The following CFAP77 variants were observed in gnomAD, a reference collection of about 807,000 sequenced individuals.
The protein encoded by CFAP77 is cilia- and flagella-associated protein 77.
CFAP77 carries 25 observed loss-of-function variants against 31.1 expected under a neutral mutation model. The ratio of observed to expected loss-of-function variants is 0.80; its 90% CI spans 0.59 to 1.12. The LOEUF (loss-of-function observed/expected upper bound fraction) is 1.12. Ranked by LOEUF, CFAP77 falls within the 50% of genes most tolerant of loss-of-function variation. CFAP77 has a pLI of 0.00. For missense variants in CFAP77, 377 were observed against 397.3 expected, an observed-to-expected ratio of 0.95 and a Z score of 0.44; for synonymous variants, 151 against 159.9, an observed-to-expected ratio of 0.94 and a Z score of 0.42.
chr9:132,524,643 TA>T (rs1292781019), intron 3 of CFAP77, among the ~76,000 whole-genome samples: 3 of 150,550 alleles, frequency 2.0e-5, no homozygotes, highest in Non-Finnish European at 3.0e-5. Flanking sequence ...ACACGTGCCA[TA>T]TTTATTTATT....
rs1851803055 is a variant in CFAP77 at position 132,499,468 on chromosome 9, G to T, written c.392G>T (p.Gly131Val). ...ATGAACCGCGGGGCGGTGAAAGCCGGCCTGGTGACTGCCCGGGAGAACTTG... is the reference window on the plus strand; with the variant it reads ...ATGAACCGCGGGGCGGTGAAAGCCGTCCTGGTGACTGCCCGGGAGAACTTG... ...IAMNRGAVKA[G>V]LVTARENLLY... The change falls in exon 3 of 6, where the codon GGC becomes GTC. Residue 131 changes from glycine to valine, a missense_variant. By Grantham distance (109) the Gly-to-Val change is moderately radical (BLOSUM62 -3). Coordinates refer to ENST00000393216, the MANE Select transcript of CFAP77 (RefSeq NM_001282957.2). The surrounding 1 kb of genome is among the most constrained non-coding windows in gnomAD (Gnocchi z 5.4). 6.2e-7 allele frequency: 1 copy of T among 1,614,198 alleles called. No homozygotes were observed. The highest frequency in any genetic ancestry group is 2.2e-5 in the East Asian group (1 of 44,870).
intron 3 of CFAP77, among the ~76,000 whole-genome samples, chr9:132,509,346 C>T (rs1481953309): frequency 6.6e-6 from 1 of 152,172 alleles, no homozygotes; most frequent in African/African-American, 2.4e-5. Context: ...GGCTGGCTGC[C>T]CAGCCCGGGC....
intron 1 of CFAP77, among the ~76,000 whole-genome samples, chr9:132,434,995 C>T (rs1054269804): frequency 2.6e-5 from 4 of 152,170 alleles, no homozygotes; most frequent in African/African-American, 4.8e-5. Flanking sequence ...CCCAATATTA[C>T]GCTTGAATTA....
chr9:132,560,871 G>A (rs1852984251), intron 5 of CFAP77, among the ~76,000 whole-genome samples: 1 of 152,214 alleles, frequency 6.6e-6, no homozygotes, highest in Admixed American at 6.5e-5. Context: ...CAGGAAGGCA[G>A]GAAGTTTGTT....
intron 1 of CFAP77, 60 bp downstream of exon 1, chr9:132,410,526 G>A: frequency 7.0e-7 from 1 of 1,422,094 alleles, no homozygotes; most frequent in South Asian, 1.4e-5. Context: ...CTGCGCCGCC[G>A]GGGGTCCCCA....
intron 1 of CFAP77, among the ~76,000 whole-genome samples, chr9:132,453,258 C>T (rs1368138037): frequency 2.6e-5 from 4 of 152,230 alleles, no homozygotes; most frequent in Admixed American, 2.6e-4. Context: ...GGCGCAGTGG[C>T]TCACACCTGT....
At chr9:132,449,951 C>T (rs1179757204) in intron 1 of CFAP77, among the ~76,000 whole-genome samples, 3 of 152,146 alleles carry the variant, frequency 2.0e-5, no homozygotes, top group African/African-American at 4.8e-5. Flanking sequence ...CTCGCTCTGT[C>T]GCCCAGGCTG....
At chr9:132,506,109 G>T (rs975953263) in intron 3 of CFAP77, among the ~76,000 whole-genome samples, 1 of 152,240 alleles carries the variant, frequency 6.6e-6, no homozygotes, top group Non-Finnish European at 1.5e-5. Context: ...CAGTCTGGCA[G>T]CTGGCTTTGA....
chr9:132,522,164 A>G (rs1046881713), intron 3 of CFAP77, among the ~76,000 whole-genome samples: 9 of 152,144 alleles, frequency 5.9e-5, no homozygotes, highest in African/African-American at 2.2e-4. Flanking sequence ...GTGTCTGGGA[A>G]AGTCTGGGGT....
In CFAP77 at chr9:132,480,903, C is replaced by G. The variant is rs117786308; in HGVS notation, c.196-17792C>G. 0.019 allele frequency among the ~76,000 whole-genome samples: 2,957 copies of G among 152,158 alleles called. 44 individuals carry two copies. The highest frequency in any genetic ancestry group is 0.033 in the Non-Finnish European group (2,234 of 67,986). ...GGCCAAGGCTAGGAGCAGAGGTGCC[C>G]CCATTGTGGTCCGGGGGCCCCTGTT... is the stretch of plus-strand genomic sequence containing the variant. On this transcript the variant is annotated intron_variant, in intron 1 of 5. Coordinates refer to ENST00000393216, the MANE Select transcript of CFAP77 (RefSeq NM_001282957.2). This position sits in a 1 kb window ranked among gnomAD's most constrained non-coding sequence, Gnocchi z 5.8.
At chr9:132,467,143 A>G (rs952954325) in intron 1 of CFAP77, among the ~76,000 whole-genome samples, 7 of 152,190 alleles carry the variant, frequency 4.6e-5, no homozygotes, top group African/African-American at 1.7e-4. Context: ...GCACTACTGC[A>G]CTCCAGCCTG....
intron 5 of CFAP77, among the ~76,000 whole-genome samples, chr9:132,569,572 T>C (rs1829928098): frequency 6.6e-6 from 1 of 152,006 alleles, no homozygotes; most frequent in Admixed American, 6.6e-5. Context: ...AAGACACCAT[T>C]GGTGACTGGC....
chr9:132,542,713 G>A (rs993083963), intron 4 of CFAP77, among the ~76,000 whole-genome samples: 3 of 152,308 alleles, frequency 2.0e-5, no homozygotes, highest in East Asian at 1.9e-4. Context: ...GGAATGCTCC[G>A]GGTGTCCTGG....
chr9:132,446,657 T>C (rs1356750713), intron 1 of CFAP77, among the ~76,000 whole-genome samples: 1 of 146,726 alleles, frequency 6.8e-6, no homozygotes, highest in Non-Finnish European at 1.5e-5. Flanking sequence ...AGGAGAATAG[T>C]GTGAACCCAG....
intron 3 of CFAP77, among the ~76,000 whole-genome samples, chr9:132,516,604 C>T (rs974469827): frequency 2.6e-5 from 4 of 151,802 alleles, no homozygotes; most frequent in Non-Finnish European, 5.9e-5. Flanking sequence ...CACACACACA[C>T]ACACACACAC....
chr9:132,529,608 C>T (rs1193475503), intron 3 of CFAP77, among the ~76,000 whole-genome samples: 5 of 151,432 alleles, frequency 3.3e-5, no homozygotes, highest in African/African-American at 9.7e-5. Context: ...GGACGGATCA[C>T]GAGGTCAGGA....
intron 3 of CFAP77, among the ~76,000 whole-genome samples, chr9:132,535,665 T>C (rs1178571070): frequency 6.6e-6 from 1 of 151,832 alleles, no homozygotes; most frequent in Non-Finnish European, 1.5e-5. Flanking sequence ...TGAGCTGAGA[T>C]TGCATCACTG....
intron 1 of CFAP77, among the ~76,000 whole-genome samples, chr9:132,431,120 T>A (rs1202996854): frequency 6.6e-6 from 1 of 152,166 alleles, no homozygotes; most frequent in African/African-American, 2.4e-5. Context: ...TCAGGGTCTC[T>A]GGATAATCCC....
intron 1 of CFAP77, among the ~76,000 whole-genome samples, chr9:132,436,994 A>C (rs973984549): frequency 1.3e-5 from 2 of 152,252 alleles, no homozygotes; most frequent in Non-Finnish European, 2.9e-5. Context: ...TGTTATGAGG[A>C]TCATTTTTAA....
Sources: gnomAD v4.1 joint callset for allele counts (sites outside exome capture counted in the v4.1 genomes callset) on GRCh38, gnomAD v4.1.1 for gene constraint, Gnocchi (gnomAD v3.1) non-coding constraint, MANE v1.5 for transcripts, NCBI Gene and HGNC (gene_info 2026-07-23, HGNC 2026-07-21) for gene names.